ZSCAN5A: variants seen among roughly 807,000 people sequenced by gnomAD.
ZSCAN5A encodes zinc finger and SCAN domain-containing protein 5A.
ZSCAN5A carries 12 observed loss-of-function variants against 23.7 expected under a neutral mutation model. The observed-to-expected ratio is 0.51, with a 90% CI of 0.32 to 0.82. ZSCAN5A has a LOEUF of 0.82. Among genes scored for constraint, ZSCAN5A ranks in the 40% least tolerant of loss-of-function variants. The pLI is 0.03. For missense variants in ZSCAN5A, 597 were observed against 617.9 expected (o/e 0.97, Z 0.36); for synonymous variants, 257 against 239.9 (o/e 1.07, Z -0.66).
At chr19:56,246,415 G>A (rs1417827612) in intron 2 of ZSCAN5A, 2 of 566,496 alleles carry the variant, frequency 3.5e-6, no homozygotes, top group South Asian at 2.3e-5. Context: ...CGTAGACAGG[G>A]AAGAAAACAC....
intron 2 of ZSCAN5A, among the ~76,000 whole-genome samples, chr19:56,328,188 C>CTAT (rs2041453990): frequency 6.6e-6 from 1 of 152,034 alleles, no homozygotes; most frequent in Non-Finnish European, 1.5e-5. Flanking sequence ...CATCATTTTA[C>CTAT]TATGTTTTAT....
intron 2 of ZSCAN5A, among the ~76,000 whole-genome samples, chr19:56,324,587 C>T (rs2041415325): frequency 7.5e-6 from 1 of 133,882 alleles, no homozygotes; most frequent in African/African-American, 2.8e-5. Context: ...GTTCATCAAA[C>T]AACTAAAAAT....
chr19:56,251,737 T>A (rs1202629856), intron 2 of ZSCAN5A, among the ~76,000 whole-genome samples: 2 of 152,164 alleles, frequency 1.3e-5, no homozygotes, highest in Non-Finnish European at 2.9e-5. Flanking sequence ...AATTTTTAAA[T>A]GTTTTTATAG....
At chr19:56,246,429 A>G in intron 2 of ZSCAN5A, 1 of 567,606 alleles carries the variant, frequency 1.8e-6, no homozygotes, top group Non-Finnish European at 3.2e-6. Flanking sequence ...AAAACACGGG[A>G]CTTACATCCC....
chr19:56,238,038 AGGAGTCGTGG>A (rs2035111026), intron 2 of ZSCAN5A, among the ~76,000 whole-genome samples: 1 of 6,446 alleles, frequency 1.6e-4, no homozygotes, highest in African/African-American at 4.9e-4. Context: ...AAAGCAAGCC[AGGAGTCGTGG>A]CATATGTGTC....
At chr19:56,236,421 T>A (rs1600043133) in intron 2 of ZSCAN5A, among the ~76,000 whole-genome samples, 1 of 101,744 alleles carries the variant, frequency 9.8e-6, no homozygotes, top group East Asian at 3.2e-4. Context: ...TTCCAGCCTC[T>A]GATTGACCGT....
chr19:56,239,807 T>C (rs1446965791), intron 2 of ZSCAN5A, among the ~76,000 whole-genome samples: 1 of 148,372 alleles, frequency 6.7e-6, no homozygotes, highest in African/African-American at 2.4e-5. Flanking sequence ...ACTCTTAACA[T>C]GTCCTTTATT....
At chr19:56,287,479 C>T (rs1372962446) in intron 2 of ZSCAN5A, among the ~76,000 whole-genome samples, 1 of 152,088 alleles carries the variant, frequency 6.6e-6, no homozygotes, top group African/African-American at 2.4e-5. Context: ...TTCAGTTCTC[C>T]CCCACTCCCA....
At chr19:56,237,919 A>C (rs534816617) in intron 2 of ZSCAN5A, among the ~76,000 whole-genome samples, 22 of 152,082 alleles carry the variant, frequency 1.4e-4, no homozygotes, top group African/African-American at 5.3e-4. Context: ...TCTGTCTCAA[A>C]AATAAAAAAA....
intron 2 of ZSCAN5A, among the ~76,000 whole-genome samples, chr19:56,228,901 C>T (rs1359132556): frequency 1.3e-5 from 2 of 152,158 alleles, no homozygotes; most frequent in Admixed American, 6.5e-5. Context: ...CCAACCTACC[C>T]TTATATAAAA....
At chr19:56,255,007 G>A (rs1021016554) in intron 2 of ZSCAN5A, among the ~76,000 whole-genome samples, 5 of 151,914 alleles carry the variant, frequency 3.3e-5, no homozygotes, top group African/African-American at 1.2e-4. Context: ...TCTGTTGATT[G>A]TGACCTTTGA....
intron 2 of ZSCAN5A, among the ~76,000 whole-genome samples, chr19:56,326,510 T>G (rs2041435840): frequency 6.6e-6 from 1 of 152,090 alleles, no homozygotes. Context: ...TAACTGCCAT[T>G]CTACTCTCTG....
At chr19:56,233,737 A>G (rs938020423) in intron 2 of ZSCAN5A, among the ~76,000 whole-genome samples, 1 of 150,414 alleles carries the variant, frequency 6.6e-6, no homozygotes, top group Non-Finnish European at 1.5e-5. Context: ...TTTTTGCCAT[A>G]AATATCAGCA....
intron 2 of ZSCAN5A, among the ~76,000 whole-genome samples, chr19:56,241,497 C>T (rs1479201713): frequency 6.6e-6 from 1 of 152,218 alleles, no homozygotes; most frequent in African/African-American, 2.4e-5. Flanking sequence ...TTGGGCACAG[C>T]ATAATGTGCT....
upstream of ZSCAN5A, chr19:56,317,159 G>A (rs1310971455): frequency 6.6e-6 from 1 of 152,250 alleles, no homozygotes; most frequent in African/African-American, 2.4e-5. Context: ...ACATTGAATA[G>A]TGTTCCTTTC....
At position 56,246,747 on chromosome 19, in the gene ZSCAN5A, AAAG is replaced by A. The variant is rs780639707; in HGVS notation, c.-127-21577_-127-21575del. The A allele has an allele frequency of 5.4e-6, 8 of 1,477,306 alleles. No homozygotes were observed. The South Asian group carries it at 7.9e-5, about 15-fold the overall frequency. 91.5% of individuals were successfully genotyped at this position (1,477,306 alleles called of 1,614,324 possible). A position where few individuals can be genotyped will look rare whatever the true frequency, so the allele number is the denominator to read the frequency against. On this transcript the variant is annotated intron_variant, in intron 2 of 5. Transcript: ENST00000683990. ...TTCTTCCAGCAGGTGTGGTGGGAGC[AAAG>A]GAGGGGAAGGAACCCAAAAAAAGAG...
chr19:56,343,797 A>C (rs1015561805), intron 2 of ZSCAN5A, among the ~76,000 whole-genome samples: 3 of 152,208 alleles, frequency 2.0e-5, no homozygotes, highest in Non-Finnish European at 4.4e-5. Flanking sequence ...TGTTTTATAT[A>C]AAACCTTTAC....
chr19:56,326,125 G>T (rs148395662), intron 2 of ZSCAN5A, among the ~76,000 whole-genome samples: 3,524 of 151,922 alleles, frequency 0.023, 118 homozygotes, highest in African/African-American at 0.076. Flanking sequence ...TTTTAGTAGA[G>T]ACGGGGTTTC....
At chr19:56,260,727 A>G (rs1267058067) in intron 2 of ZSCAN5A, among the ~76,000 whole-genome samples, 1 of 152,164 alleles carries the variant, frequency 6.6e-6, no homozygotes, top group East Asian at 1.9e-4. Context: ...AAGTAATACT[A>G]AGGATACACA....
Sources: gnomAD v4.1 joint callset for allele counts (sites outside exome capture counted in the v4.1 genomes callset) on GRCh38, gnomAD v4.1.1 for gene constraint, MANE v1.5 for transcripts, NCBI Gene and HGNC (gene_info 2026-07-23, HGNC 2026-07-21) for gene names.